Variants in TAFA2 observed in about 807,000 individuals in gnomAD.
TAFA2 encodes the protein chemokine-like protein TAFA-2.
A neutral mutation model predicts 18.8 loss-of-function variants in TAFA2; 7 were observed. That is an observed-to-expected ratio of 0.37 (90% confidence interval 0.21 to 0.70). TAFA2 has a LOEUF of 0.70. TAFA2 is among the 30% of genes least tolerant of loss of function. The probability of loss-of-function intolerance (pLI) is 0.53; values close to 1 mark genes in which losing one functional copy is unlikely to be tolerated. For synonymous variants in TAFA2, 60 were observed against 54.2 expected, an observed-to-expected ratio of 1.11 and a Z score of -0.47; for missense variants, 122 against 158.1, an observed-to-expected ratio of 0.77 and a Z score of 1.23.
At chr12:62,234,540 T>C in intron 1 of TAFA2, 1 of 864,940 alleles carries the variant, frequency 1.2e-6, no homozygotes, top group South Asian at 1.3e-5. Flanking sequence ...GTCTGGTGTG[T>C]ACCCACGTAT....
At chr12:62,017,768 A>G (rs948065496) in intron 1 of TAFA2, among the ~76,000 whole-genome samples, 1 of 152,182 alleles carries the variant, frequency 6.6e-6, no homozygotes, top group Non-Finnish European at 1.5e-5. Context: ...GTACCAAGTG[A>G]ACACTTGCTG....
At chr12:61,834,559 G>A (rs1456219476) in intron 2 of TAFA2, among the ~76,000 whole-genome samples, 1 of 151,990 alleles carries the variant, frequency 6.6e-6, no homozygotes, top group East Asian at 1.9e-4. Flanking sequence ...ATACAGCAGA[G>A]TACTGACCTA....
chr12:61,928,449 A>C (rs1877404319), intron 1 of TAFA2, among the ~76,000 whole-genome samples: 1 of 152,230 alleles, frequency 6.6e-6, no homozygotes, highest in Non-Finnish European at 1.5e-5. Flanking sequence ...AGAAATCCAA[A>C]TCAAAAACAC....
chr12:62,246,063 T>A lies in TAFA2; in HGVS notation c.-130+12700A>T, dbSNP rs1283772899. Among the ~76,000 whole-genome samples the A allele has an allele frequency of 2.6e-5, 4 of 151,670 alleles. No homozygotes were observed. In the East Asian group the frequency reaches 5.8e-4, roughly 22 times the overall value. ...GTGCAGTGGCGCAATCTCAGCTCAC[T>A]GCAAGCTCCGCCTCCCAGGTTCACA... On this transcript the variant is annotated intron_variant, in intron 1 of 5. Transcript: ENST00000551619.
chr12:61,918,556 T>C (rs1277654546), intron 1 of TAFA2, among the ~76,000 whole-genome samples: 1 of 152,196 alleles, frequency 6.6e-6, no homozygotes, highest in Admixed American at 6.5e-5. Flanking sequence ...TACTCATCTG[T>C]TGATGGACAC....
At chr12:61,756,029 A>G (rs1370987041) in intron 2 of TAFA2, among the ~76,000 whole-genome samples, 1 of 152,100 alleles carries the variant, frequency 6.6e-6, no homozygotes, top group Non-Finnish European at 1.5e-5. Flanking sequence ...AAGTTGTTTA[A>G]TGGCATAAAC....
intron 1 of TAFA2, among the ~76,000 whole-genome samples, chr12:62,200,604 T>A (rs567641633): frequency 6.6e-6 from 1 of 152,334 alleles, no homozygotes; most frequent in South Asian, 2.1e-4. Context: ...TTCTGTTCCA[T>A]TGGTCTATTG....
chr12:62,033,346 T>A (rs945056503), intron 1 of TAFA2, among the ~76,000 whole-genome samples: 15 of 152,144 alleles, frequency 9.9e-5, no homozygotes, highest in Non-Finnish European at 2.2e-4. Flanking sequence ...AGATAATGAC[T>A]AAAAATGACC....
intron 2 of TAFA2, among the ~76,000 whole-genome samples, chr12:61,772,496 TC>T (rs1870076091): frequency 6.6e-6 from 1 of 151,712 alleles, no homozygotes; most frequent in South Asian, 2.1e-4. Context: ...AACAGCATTA[TC>T]AAAAAGATAA....
intron 1 of TAFA2, among the ~76,000 whole-genome samples, chr12:61,902,658 C>T (rs925827196): frequency 3.9e-5 from 6 of 152,086 alleles, no homozygotes; most frequent in African/African-American, 1.4e-4. Context: ...CAATTTTGAC[C>T]CAGATGATCT....
chr12:61,967,251 T>A (rs898402655), intron 1 of TAFA2, among the ~76,000 whole-genome samples: 2 of 151,814 alleles, frequency 1.3e-5, no homozygotes, highest in African/African-American at 2.4e-5. Flanking sequence ...CTGCTAAATG[T>A]AAGCACTGTG....
intron 1 of TAFA2, among the ~76,000 whole-genome samples, chr12:62,176,068 A>G (rs2062511254): frequency 1.3e-5 from 2 of 152,146 alleles, no homozygotes; most frequent in African/African-American, 4.8e-5. Context: ...ATAGAAATCC[A>G]CTATTACAAT....
chr12:62,245,254 C>T (rs1156239070), intron 1 of TAFA2, among the ~76,000 whole-genome samples: 1 of 152,002 alleles, frequency 6.6e-6, no homozygotes, highest in Non-Finnish European at 1.5e-5. Context: ...TTCTCCATTG[C>T]TTTGTAATGG....
At chr12:61,906,899 G>A (rs1437183392) in intron 1 of TAFA2, among the ~76,000 whole-genome samples, 9 of 152,196 alleles carry the variant, frequency 5.9e-5, no homozygotes, top group Non-Finnish European at 1.3e-4. Context: ...GTTTGAACTT[G>A]AGAGAGACGA....
chr12:61,776,012 C>A (rs1017030303), intron 2 of TAFA2: 11 of 350,810 alleles, frequency 3.1e-5, no homozygotes, highest in African/African-American at 2.4e-4. Flanking sequence ...TGACCACACA[C>A]ATGCGAATCT....
chr12:61,770,677 C>A (rs552601071), intron 2 of TAFA2, among the ~76,000 whole-genome samples: 1 of 152,146 alleles, frequency 6.6e-6, no homozygotes, highest in African/African-American at 2.4e-5. Flanking sequence ...CTTTTTCAGA[C>A]AAACAAATGC....
intron 1 of TAFA2, among the ~76,000 whole-genome samples, chr12:61,895,950 A>G (rs1400783240): frequency 1.3e-5 from 2 of 152,122 alleles, no homozygotes; most frequent in East Asian, 3.9e-4. Flanking sequence ...AGCACCCCCA[A>G]AAACAGATTG....
At chr12:62,093,300 T>C (rs1868799534) in intron 1 of TAFA2, among the ~76,000 whole-genome samples, 1 of 152,002 alleles carries the variant, frequency 6.6e-6, no homozygotes, top group African/African-American at 2.4e-5. Context: ...CAAGTTTTTA[T>C]TGTAAGAGAC....
chr12:62,234,807 G>T, intron 1 of TAFA2: 2 of 1,018,264 alleles, frequency 2.0e-6, no homozygotes, highest in Non-Finnish European at 3.1e-6. Context: ...GAATGGGCCT[G>T]CTTGGGAGTC....
Sources: allele counts gnomAD v4.1 joint callset (sites outside exome capture counted in the v4.1 genomes callset), GRCh38; gene constraint gnomAD v4.1.1; transcripts MANE v1.5; gene names NCBI Gene and HGNC (gene_info 2026-07-23, HGNC 2026-07-21).